Variants in KCMF1 observed in about 807,000 individuals in gnomAD.
The protein encoded by KCMF1 is potassium channel modulatory factor 1.
KCMF1 carries 3 observed loss-of-function variants against 41.1 expected under a neutral mutation model. The observed-to-expected ratio is 0.07, with a 90% CI of 0.03 to 0.19. The LOEUF is 0.19. Ranked by LOEUF, KCMF1 falls within the 10% of genes least tolerant of loss-of-function variation. The pLI, the probability that KCMF1 is intolerant of heterozygous loss-of-function variation, is 1.00. For synonymous variants in KCMF1, 142 were observed against 164.5 expected, an observed-to-expected ratio of 0.86 and a Z score of 1.04; for missense variants, 286 against 488.9, an observed-to-expected ratio of 0.58 and a Z score of 3.91.
intron 2 of KCMF1, among the ~76,000 whole-genome samples, chr2:85,030,293 T>C (rs1190720244): frequency 6.6e-6 from 1 of 152,214 alleles, no homozygotes; most frequent in Non-Finnish European, 1.5e-5. Context: ...TGGGTTGTGT[T>C]TTCACTTTCT....
chr2:84,988,571 T>C (rs1009270777), intron 1 of KCMF1, among the ~76,000 whole-genome samples: 1 of 152,210 alleles, frequency 6.6e-6, no homozygotes, highest in South Asian at 2.1e-4. Context: ...CCAAGAACTT[T>C]TAGACTGGTT....
intron 1 of KCMF1, among the ~76,000 whole-genome samples, chr2:84,975,934 A>G (rs1027632995): frequency 6.6e-6 from 1 of 152,230 alleles, no homozygotes; most frequent in Non-Finnish European, 1.5e-5. Flanking sequence ...GCCTTAAATC[A>G]TTCAACCTTT....
At position 85,054,275 on chromosome 2, in the gene KCMF1, C is replaced by G. The variant is rs536471535; in HGVS notation, c.*866C>G. ...TGAATTTCATTTATTGACTGTTCAA[C>G]AGAGTTAACCTGAATTATGTTGTCT... On this transcript the variant is annotated 3_prime_UTR_variant, in exon 7 of 7. Coordinates refer to ENST00000409785, the MANE Select transcript of KCMF1 (RefSeq NM_020122.5). 1 of 151,936 alleles carries G rather than the reference C, an allele frequency of 6.6e-6. No individual in the cohort carries two copies. The highest frequency in any genetic ancestry group is 1.9e-4 in the East Asian group (1 of 5,166). 9.4% of individuals were successfully genotyped at this position (151,936 alleles called of 1,614,324 possible). A position where few individuals can be genotyped will look rare whatever the true frequency, so the allele number is the denominator to read the frequency against.
At chr2:85,032,854 C>T (rs1675309525) in intron 2 of KCMF1, among the ~76,000 whole-genome samples, 1 of 152,180 alleles carries the variant, frequency 6.6e-6, no homozygotes, top group Non-Finnish European at 1.5e-5. Flanking sequence ...TCTTTCTGTA[C>T]ACAAGGTCAT....
intron 1 of KCMF1, among the ~76,000 whole-genome samples, chr2:84,980,024 T>C (rs998904584): frequency 6.7e-6 from 1 of 150,090 alleles, no homozygotes; most frequent in East Asian, 2.0e-4. Context: ...GTAGAGATGG[T>C]GTTTCTCCAT....
At chr2:85,030,682 T>C (rs1375181223) in intron 2 of KCMF1, among the ~76,000 whole-genome samples, 1 of 152,160 alleles carries the variant, frequency 6.6e-6, no homozygotes, top group Non-Finnish European at 1.5e-5. Flanking sequence ...TCTATTCACA[T>C]TGATCTATAT....
intron 1 of KCMF1, among the ~76,000 whole-genome samples, chr2:85,027,316 C>G (rs1675131365): frequency 6.7e-6 from 1 of 149,938 alleles, no homozygotes; most frequent in Non-Finnish European, 1.5e-5. Context: ...TGCTTCCAGT[C>G]ACCAGTTCCT....
intron 1 of KCMF1, among the ~76,000 whole-genome samples, chr2:84,981,760 A>G (rs186732330): frequency 6.6e-5 from 10 of 152,010 alleles, no homozygotes; most frequent in Admixed American, 2.0e-4. Flanking sequence ...CTTATTCTCC[A>G]GGCTTTTTGT....
rs138027956 is a variant in KCMF1 at position 85,012,958 on chromosome 2, A to G, written c.17-14931A>G. 1.2e-3 allele frequency among the ~76,000 whole-genome samples: 187 copies of G among 152,324 alleles called. 5 individuals carry two copies. The East Asian group carries it at 0.027, about 22-fold the overall frequency. On this transcript the variant is annotated intron_variant, in intron 1 of 6. Transcript: ENST00000409785. ...AGACTGGATTTAGGATAACTGCTCT[A>G]TATGTGGAGAACATTAGAACAAAGG...
chr2:85,004,892 G>A (rs112878316), intron 1 of KCMF1, among the ~76,000 whole-genome samples: 2,553 of 152,096 alleles, frequency 0.017, 60 homozygotes, highest in African/African-American at 0.058. Flanking sequence ...CTGGAGTGCA[G>A]TGGCACAATT....
At position 85,057,380 on chromosome 2, in the gene KCMF1, A is replaced by G. The variant is rs1372185273; in HGVS notation, c.*3971A>G. The G allele has an allele frequency of 6.6e-6, 1 of 152,176 alleles. No individual in the cohort carries two copies. Among genetic ancestry groups the G allele is most frequent in the African/African-American group, 2.4e-5 (1 of 41,414 alleles). 9.4% of individuals were successfully genotyped at this position (152,176 alleles called of 1,614,324 possible). On this transcript the variant is annotated 3_prime_UTR_variant, in exon 7 of 7. Transcript: ENST00000409785. ...GGAAGAGGCTGGGGAGGAGCCTCTC[A>G]TCTCATCTCATTTCAGCCTCAACAG...
chr2:85,040,538 C>A (rs1675503500), intron 3 of KCMF1, among the ~76,000 whole-genome samples: 1 of 152,118 alleles, frequency 6.6e-6, no homozygotes, highest in Non-Finnish European at 1.5e-5. Context: ...CCTTCATTTC[C>A]TCTCAGAAAA....
chr2:84,989,720 GC>G (rs1673990820), intron 1 of KCMF1, among the ~76,000 whole-genome samples: 1 of 152,160 alleles, frequency 6.6e-6, no homozygotes, highest in Non-Finnish European at 1.5e-5. Context: ...TCATCATGAT[GC>G]ATATAGAGGA....
intron 1 of KCMF1, among the ~76,000 whole-genome samples, chr2:85,024,935 C>A (rs146559989): frequency 1.3e-5 from 2 of 152,210 alleles, no homozygotes; most frequent in African/African-American, 4.8e-5. Context: ...TTGTCTCTAC[C>A]CTGGTGCCAT....
chr2:85,047,460 A>C (rs1243426693), intron 5 of KCMF1, among the ~76,000 whole-genome samples: 1 of 152,162 alleles, frequency 6.6e-6, no homozygotes, highest in African/African-American at 2.4e-5. Flanking sequence ...ATCTATAGCT[A>C]ATTGAAAAGA....
chr2:85,012,538 A>T (rs1674677993), intron 1 of KCMF1, among the ~76,000 whole-genome samples: 1 of 152,070 alleles, frequency 6.6e-6, no homozygotes. Flanking sequence ...TCTCAGTGAT[A>T]CAAAGACATC....
intron 1 of KCMF1, among the ~76,000 whole-genome samples, chr2:85,023,140 G>C (rs979390796): frequency 2.6e-5 from 4 of 151,710 alleles, no homozygotes; most frequent in Non-Finnish European, 5.9e-5. Context: ...GCCCGCCTCG[G>C]CCTCCCAAAG....
chr2:84,995,167 G>T (rs1441552288), intron 1 of KCMF1, among the ~76,000 whole-genome samples: 2 of 151,678 alleles, frequency 1.3e-5, no homozygotes, highest in African/African-American at 4.8e-5. Context: ...GATTACAGGC[G>T]CCCACCACCA....
intron 1 of KCMF1, among the ~76,000 whole-genome samples, chr2:84,994,315 A>C (rs1214502525): frequency 6.6e-6 from 1 of 152,142 alleles, no homozygotes; most frequent in Admixed American, 6.5e-5. Flanking sequence ...TTCTGTATTT[A>C]TCTGTAACTA....
Sources: allele counts gnomAD v4.1 joint callset (sites outside exome capture counted in the v4.1 genomes callset), GRCh38; gene constraint gnomAD v4.1.1; transcripts MANE v1.5; gene names NCBI Gene and HGNC (gene_info 2026-07-23, HGNC 2026-07-21).